The following DMD variants were observed in gnomAD, a reference collection of about 807,000 sequenced individuals.
The protein encoded by DMD is dystrophin, also known as mutant dystrophin.
In DMD, 63 loss-of-function variants were observed where a neutral mutation model predicts 330.1. The ratio of observed to expected loss-of-function variants is 0.19; its 90% CI spans 0.16 to 0.24. The LOEUF is 0.24. DMD is among the 10% of genes least tolerant of loss of function. The pLI, the probability that DMD is intolerant of heterozygous loss-of-function variation, is 1.00. For synonymous variants in DMD, 1,223 were observed against 959.8 expected, an observed-to-expected ratio of 1.27 and a Z score of -5.07; for missense variants, 3,344 against 2,684.1, an observed-to-expected ratio of 1.25 and a Z score of -5.43.
chrX:31,461,581 A>G (rs949395740), intron 59 of DMD, among the ~76,000 whole-genome samples: 2 of 111,700 alleles, frequency 1.8e-5, no homozygotes, highest in African/African-American at 3.3e-5. Context: ...TCTTACTAAT[A>G]GTGATCACTT....
chrX:33,081,778 C>T (rs73452067), intron 1 of DMD, among the ~76,000 whole-genome samples: 3,371 of 111,524 alleles, frequency 0.03, 120 homozygotes, highest in African/African-American at 0.1. Context: ...CTACCATTAG[C>T]CATCCCTTAA....
chrX:31,580,947 ATGT>A (rs1480810707), intron 55 of DMD, among the ~76,000 whole-genome samples: 1 of 112,225 alleles, frequency 8.9e-6, no homozygotes, highest in Non-Finnish European at 1.9e-5. Context: ...ACCCTCAAGA[ATGT>A]TGTTAAATGA....
At chrX:32,852,512 A>G (rs960802453) in intron 2 of DMD, among the ~76,000 whole-genome samples, 1 of 110,660 alleles carries the variant, frequency 9.0e-6, no homozygotes, top group African/African-American at 3.3e-5. Context: ...TGGAAAGGAG[A>G]GGCAATAGAG....
At chrX:31,475,264 T>C (rs1358511512) in intron 59 of DMD, among the ~76,000 whole-genome samples, 1 of 112,000 alleles carries the variant, frequency 8.9e-6, no homozygotes, top group Non-Finnish European at 1.9e-5. Context: ...CCAATCAGGG[T>C]ATGGAAAATG....
At chrX:32,706,217 G>A (rs1259147984) in intron 7 of DMD, among the ~76,000 whole-genome samples, 1 of 70,939 alleles carries the variant, frequency 1.4e-5, no homozygotes. Flanking sequence ...CACACACCGG[G>A]GCCTGTTGTG....
chrX:33,105,778 CG>C (rs2095281312), intron 1 of DMD, among the ~76,000 whole-genome samples: 1 of 111,424 alleles, frequency 9.0e-6, no homozygotes, highest in African/African-American at 3.3e-5. Context: ...AAACAATAAA[CG>C]TTGGCATGGA....
intron 12 of DMD, among the ~76,000 whole-genome samples, chrX:32,599,418 TG>T (rs2055931413): frequency 8.9e-6 from 1 of 111,776 alleles, no homozygotes; most frequent in Non-Finnish European, 1.9e-5. Context: ...TGGAAAGAAA[TG>T]AATTCTCAAG....
chrX:31,957,527 T>C lies in DMD; in HGVS notation c.6614+10812A>G, dbSNP rs1029440365. Among the ~76,000 whole-genome samples, 3 of 112,023 alleles carry C rather than the reference T, an allele frequency of 2.7e-5. No individual in the cohort carries two copies. In the Admixed American group the frequency reaches 2.8e-4, roughly 11 times the overall value. On this transcript the variant is annotated intron_variant, in intron 45 of 78. Transcript: ENST00000357033. Reference sequence around the variant, plus strand: ...ATGAGAGATAAGGCTTTCTGCTGAATATAAGGATTGTTATACATTCACCAT... The same window carrying C: ...ATGAGAGATAAGGCTTTCTGCTGAACATAAGGATTGTTATACATTCACCAT...
At position 32,632,567 on chromosome X, in the gene DMD, C is replaced by A. The variant is rs775055780; in HGVS notation, c.1331+11565G>T. Among the ~76,000 whole-genome samples the A allele has an allele frequency of 3.5e-5, 4 of 112,739 alleles. No individual in the cohort carries two copies. The East Asian group carries it at 8.5e-4, about 24-fold the overall frequency. ...GCAGGCTTCTGCCTGGAAACCCAGG[C>A]TTTTCCATACAACCTCTAAAATCTA... On this transcript the variant is annotated intron_variant, in intron 11 of 78. Coordinates refer to ENST00000357033, the MANE Select transcript of DMD (RefSeq NM_004006.3).
chrX:31,508,063 T>C (rs1283211816), intron 55 of DMD: 1 of 426,197 alleles, frequency 2.3e-6, no homozygotes, highest in Non-Finnish European at 4.2e-6. Flanking sequence ...TTTATTAGTT[T>C]TGATTTCCCA....
intron 2 of DMD, among the ~76,000 whole-genome samples, chrX:32,890,724 T>C (rs982141391): frequency 8.9e-6 from 1 of 112,064 alleles, no homozygotes; most frequent in South Asian, 3.7e-4. Flanking sequence ...GGTTATGTTG[T>C]CCAGTAAGAT....
intron 7 of DMD, among the ~76,000 whole-genome samples, chrX:32,775,188 G>A (rs1392051440): frequency 1.8e-5 from 2 of 112,685 alleles, no homozygotes. Context: ...CCACGCCTGT[G>A]GCTCTGCAGA....
intron 44 of DMD, among the ~76,000 whole-genome samples, chrX:32,048,218 T>C (rs1364309297): frequency 9.7e-5 from 10 of 102,816 alleles, no homozygotes; most frequent in Non-Finnish European, 1.4e-4. Context: ...ATTTTAAAAA[T>C]GAGGAAGATA....
rs1361904136 is a variant in DMD at position 32,002,098 on chromosome X, A to C, written c.6439-33584T>G. 2.7e-5 allele frequency among the ~76,000 whole-genome samples: 3 copies of C among 111,928 alleles called. No homozygotes were observed. In the East Asian group the frequency reaches 8.5e-4, roughly 32 times the overall value. On this transcript the variant is annotated intron_variant, in intron 44 of 78. Transcript: ENST00000357033. ...GACCCAGCTTGTTAATCTTCAGAGCAGAATGCAACGCACAACTGTTTGCAC... is the reference window on the plus strand; with the variant it reads ...GACCCAGCTTGTTAATCTTCAGAGCCGAATGCAACGCACAACTGTTTGCAC...
intron 76 of DMD, among the ~76,000 whole-genome samples, chrX:31,134,768 G>C (rs1027046605): frequency 8.9e-6 from 1 of 112,225 alleles, no homozygotes; most frequent in Non-Finnish European, 1.9e-5. Flanking sequence ...AATGTGCCCC[G>C]CACATAGAAA....
intron 7 of DMD, among the ~76,000 whole-genome samples, chrX:32,786,190 T>A (rs896450116): frequency 9.1e-6 from 1 of 110,451 alleles, no homozygotes; most frequent in East Asian, 2.8e-4. Flanking sequence ...CAACTGATTC[T>A]ATACAGAAAA....
chrX:32,330,141 A>G (rs766771279), intron 41 of DMD, among the ~76,000 whole-genome samples: 22 of 112,189 alleles, frequency 2.0e-4, no homozygotes, highest in Non-Finnish European at 3.8e-4. Context: ...AAAGGGTAAA[A>G]ATGATAGAAT....
At chrX:31,231,791 G>T (rs2047232581) in intron 63 of DMD, among the ~76,000 whole-genome samples, 1 of 112,048 alleles carries the variant, frequency 8.9e-6, no homozygotes, top group Non-Finnish European at 1.9e-5. Flanking sequence ...GCTGAGGCAG[G>T]AGAATCGCTT....
chrX:31,472,108 G>A (rs1413823073), intron 59 of DMD, among the ~76,000 whole-genome samples: 1 of 111,942 alleles, frequency 8.9e-6, no homozygotes, highest in African/African-American at 3.2e-5. Context: ...GCCTCCACAC[G>A]GCAATTCATT....
Sources: allele counts gnomAD v4.1 joint callset (sites outside exome capture counted in the v4.1 genomes callset), GRCh38; gene constraint gnomAD v4.1.1; transcripts MANE v1.5; gene names NCBI Gene and HGNC (gene_info 2026-07-23, HGNC 2026-07-21).